FBXL22: variants seen among roughly 807,000 people sequenced by gnomAD.
FBXL22 encodes F-box and leucine-rich protein 22.
Under a neutral mutation model 11.7 loss-of-function variants are expected in FBXL22, and 13 were observed. The ratio of observed to expected loss-of-function variants is 1.11; its 90% CI spans 0.73 to 1.77. FBXL22 has a LOEUF of 1.77. FBXL22 is among the 40% of genes most tolerant of loss of function. The pLI is 0.00. For synonymous variants in FBXL22, 160 were observed against 144.1 expected, an observed-to-expected ratio of 1.11 and a Z score of -0.79; for missense variants, 406 against 320.4, an observed-to-expected ratio of 1.27 and a Z score of -2.04.
intron 1 of FBXL22, chr15:63,599,394 G>A: frequency 7.2e-7 from 1 of 1,383,968 alleles, no homozygotes; most frequent in Non-Finnish European, 9.3e-7. Flanking sequence ...CCACCTTGAA[G>A]GTAACAATTC....
At chr15:63,601,292 C>G (rs755383918), downstream of FBXL22, 3 of 1,574,942 alleles carry the variant, frequency 1.9e-6, no homozygotes, top group East Asian at 2.3e-5. Flanking sequence ...TGCTTCCGCC[C>G]CAGGCTTTCT....
downstream of FBXL22, chr15:63,601,831 A>G (rs1371356925): frequency 6.1e-6 from 7 of 1,148,336 alleles, 1 homozygote; most frequent in African/African-American, 4.8e-5. Flanking sequence ...CAAAAACAAA[A>G]CCAGCAGCCC....
intron 1 of FBXL22, chr15:63,599,702 C>G: frequency 1.0e-6 from 1 of 987,216 alleles, no homozygotes; most frequent in Middle Eastern, 5.2e-4. Flanking sequence ...GCGGGGGAGG[C>G]TGGCAGGGAA....
In FBXL22 at chr15:63,600,827, C is replaced by T; in HGVS notation, c.484C>T (p.Arg162Cys). 2 of 1,230,712 alleles carry T rather than the reference C, an allele frequency of 1.6e-6. No homozygotes were observed. Among genetic ancestry groups the T allele is most frequent in the South Asian group, 4.1e-5 (1 of 24,302 alleles). 76.2% of individuals were successfully genotyped at this position (1,230,712 alleles called of 1,614,324 possible). The change falls in exon 2 of 2, where the codon CGC becomes TGC. Residue 162 changes from arginine (R) to cysteine (C), a missense_variant. Arg to Cys is a radical substitution (Grantham distance 180). Transcript: ENST00000638704. ...GGAGAACTGCGCGCGCGTCACCAAC[C>T]GCACGTTGGCTGCCGTGGCGGCGGA... The part of the protein sequence containing the change: ...RLENCARVTN[R>C]TLAAVAADGR...
Position 63,600,696 on chromosome 15 carries a change from G to A in FBXL22, c.354-1G>A. ...CCCGGGTCACCGCACTCTCCTCACA[G>A]GTGCCCCAACCTGGCGTCCGTCACG... On this transcript the variant is annotated splice_acceptor_variant, in intron 1 of 1. Coordinates refer to ENST00000638704, the MANE Select transcript of FBXL22 (RefSeq NM_001367807.1). LOFTEE classifies it high-confidence loss of function. The A allele has an allele frequency of 8.1e-7, 1 of 1,231,452 alleles. No individual in the cohort carries two copies. Among genetic ancestry groups the A allele is most frequent in the Non-Finnish European group, 1.0e-6 (1 of 987,788 alleles). 76.3% of individuals were successfully genotyped at this position (1,231,452 alleles called of 1,614,324 possible).
At position 63,600,734 on chromosome 15, in the gene FBXL22, G is replaced by T. The variant is rs1425407045; in HGVS notation, c.391G>T (p.Gly131Cys). The T allele has an allele frequency of 1.9e-5, 23 of 1,231,368 alleles. No homozygotes were observed. Among genetic ancestry groups the T allele is most frequent in the Non-Finnish European group, 2.3e-5 (23 of 987,800 alleles). 76.3% of individuals were successfully genotyped at this position (1,231,368 alleles called of 1,614,324 possible). Residue 131 changes from glycine (G) to cysteine (C), a missense_variant, in exon 2 of 2, where the codon GGC (glycine) becomes TGC (cysteine). Transcript: ENST00000638704. ...GGCGTCCGTCACGCTCTCGGGCTGC[G>T]GCCACGTTACCGACGACTGCCTGGC... The part of the protein sequence containing the change: ...NLASVTLSGC[G>C]HVTDDCLARL...
In FBXL22 at chr15:63,597,738, T is replaced by C. The variant is rs148453374; in HGVS notation, c.346T>C (p.Cys116Arg). Residue 116 changes from cysteine to arginine, a missense_variant, in exon 1 of 2, where the codon TGC becomes CGC. Cys to Arg is a radical substitution (Grantham distance 180, BLOSUM62 -3). Coordinates refer to ENST00000638704, the MANE Select transcript of FBXL22 (RefSeq NM_001367807.1). The surrounding 1 kb of genome is among the most constrained non-coding windows in gnomAD (Gnocchi z 4.3). ...SLVNDFLLRV[C>R]DRCPNLASVT... ...GGTCAATGATTTCCTCCTCCGGGTG[T>C]GCGACAGGTAGGCCACCTTGCCTCC... is the stretch of plus-strand genomic sequence containing the variant. 3.2e-6 allele frequency: 5 copies of C among 1,575,674 alleles called. 1 individual carries two copies. The South Asian group carries it at 5.7e-5, about 18-fold the overall frequency.
downstream of FBXL22, chr15:63,601,429 G>A (rs768185676): frequency 8.8e-6 from 14 of 1,587,388 alleles, no homozygotes; most frequent in Admixed American, 2.4e-4. Context: ...GCGCTCGGGG[G>A]TGACGGGGGC....
downstream of FBXL22, among the ~76,000 whole-genome samples, chr15:63,603,598 T>C (rs1382387731): frequency 2.0e-5 from 3 of 152,212 alleles, no homozygotes; most frequent in African/African-American, 4.8e-5. Context: ...GCACAGATGA[T>C]AGGTGAAGTC....
chr15:63,597,554 C>G lies in FBXL22; in HGVS notation c.162C>G (p.Phe54Leu), dbSNP rs146033644. 7 of 1,614,218 alleles carry G rather than the reference C, an allele frequency of 4.3e-6. No homozygotes were observed. Among genetic ancestry groups the G allele is most frequent in the Non-Finnish European group, 5.9e-6 (7 of 1,180,046 alleles). The change falls in exon 1 of 2, where the codon TTC (phenylalanine) becomes TTG (leucine). Residue 54 changes from phenylalanine to leucine, a missense_variant. Phe to Leu is a conservative substitution (Grantham distance 22). Transcript: ENST00000638704. The surrounding 1 kb of genome is among the most constrained non-coding windows in gnomAD (Gnocchi z 4.3). ...EDPALWSLLHFRSLTELQKDN... is the reference protein window; with the variant it reads ...EDPALWSLLHLRSLTELQKDN... The stretch of plus-strand genomic sequence containing the variant: ...CCGCACTCTGGTCCCTGCTGCACTT[C>G]CGTTCCCTCACTGAACTCCAGAAGG...
the FBXL22 span, among the ~76,000 whole-genome samples, chr15:63,608,107 G>A: frequency 2.1e-4 from 32 of 152,228 alleles, no homozygotes; most frequent in Non-Finnish European, 4.0e-4. Context: ...GTGCCTGCTA[G>A]CAGTTGCTGG....
downstream of FBXL22, among the ~76,000 whole-genome samples, chr15:63,602,881 A>C (rs1415638428): frequency 6.6e-6 from 1 of 152,178 alleles, no homozygotes; most frequent in Non-Finnish European, 1.5e-5. Context: ...GCTGAGTAGC[A>C]GGTATCTGAG....
In FBXL22 at chr15:63,601,016, C is replaced by A; in HGVS notation, c.673C>A (p.Leu225Ile). 1 of 1,207,030 alleles carries A rather than the reference C, an allele frequency of 8.3e-7. No individual in the cohort carries two copies. The highest frequency in any genetic ancestry group is 1.0e-6 in the Non-Finnish European group (1 of 972,394). 74.8% of individuals were successfully genotyped at this position (1,207,030 alleles called of 1,614,324 possible). ...PPRPRAPAAA[L>I]GKLLQR ...GCGCCCGCGCGCGCCCGCCGCGGCC[C>A]TCGGCAAGCTGCTGCAGCGCTAGAC... The change falls in exon 2 of 2, where the codon CTC (leucine) becomes ATC (isoleucine). Residue 225 changes from leucine to isoleucine, a missense_variant. By Grantham distance (5) the Leu-to-Ile change is conservative. Coordinates refer to ENST00000638704, the MANE Select transcript of FBXL22 (RefSeq NM_001367807.1).
In FBXL22 at chr15:63,597,437, G is replaced by A. The variant is rs762423034; in HGVS notation, c.45G>A (p.Glu15=). 1.2e-6 allele frequency: 2 copies of A among 1,613,782 alleles called. No individual in the cohort carries two copies. The highest frequency in any genetic ancestry group is 1.7e-6 in the Non-Finnish European group (2 of 1,179,944). The part of the protein sequence containing the change: ...LTMHITQLNR[E]CLLHLFSFLD... ...TGCACATAACCCAGCTCAACCGGGA[G>A]TGCCTGCTGCACCTCTTCTCCTTCC... The change falls in exon 1 of 2, where the codon GAG becomes GAA. Residue 15 remains glutamate, a synonymous_variant. Transcript: ENST00000638704. This position sits in a 1 kb window ranked among gnomAD's most constrained non-coding sequence, Gnocchi z 4.3.
chr15:63,600,930 C>T lies in FBXL22; in HGVS notation c.587C>T (p.Ala196Val), dbSNP rs1354162666. 5.0e-6 allele frequency: 6 copies of T among 1,207,150 alleles called. No homozygotes were observed. Among genetic ancestry groups the T allele is most frequent in the Non-Finnish European group, 6.2e-6 (6 of 972,254 alleles). The allele number at this position is 1,207,150 out of a possible 1,614,324, so 74.8% of individuals were successfully genotyped here. The part of the protein sequence containing the change: ...SAAGLRRLRA[A>V]CPRLALRAEH... ...GCCGGCCTGCGCCGCCTGCGCGCCG[C>T]GTGCCCGCGCCTGGCCCTGCGGGCA... Residue 196 changes from alanine to valine, a missense_variant, in exon 2 of 2, where the codon GCG becomes GTG. By Grantham distance (64) the Ala-to-Val change is moderately conservative. Coordinates refer to ENST00000638704, the MANE Select transcript of FBXL22 (RefSeq NM_001367807.1).
In FBXL22 at chr15:63,597,391, A is replaced by C. The variant is rs1466365638; in HGVS notation, c.-2A>C. On this transcript the variant is annotated 5_prime_UTR_variant, in exon 1 of 2. Transcript: ENST00000638704. The surrounding 1 kb of genome is among the most constrained non-coding windows in gnomAD (Gnocchi z 4.3). ...CCGTCCCCCGGCTGCAGCTGCACTC[A>C]CATGTGGCCACTGCTCACCATGCAC... 3.8e-6 allele frequency: 6 copies of C among 1,599,364 alleles called. No homozygotes were observed. Among genetic ancestry groups the C allele is most frequent in the Admixed American group, 1.7e-5 (1 of 59,826 alleles).
At chr15:63,605,647 T>C (rs1383712646), downstream of FBXL22, among the ~76,000 whole-genome samples, 1 of 152,222 alleles carries the variant, frequency 6.6e-6, no homozygotes, top group East Asian at 1.9e-4. Context: ...GAAGCCTGAT[T>C]GTATTCCCGA....
chr15:63,604,165 C>G (rs2152689303), downstream of FBXL22, among the ~76,000 whole-genome samples: 2 of 152,236 alleles, frequency 1.3e-5, no homozygotes, highest in South Asian at 4.1e-4. Context: ...AGCTCTGTGA[C>G]CAAGGACAGA....
chr15:63,600,307 G>A, intron 1 of FBXL22: 1 of 1,014,406 alleles, frequency 9.9e-7, no homozygotes, highest in Non-Finnish European at 1.2e-6. Flanking sequence ...CTAGACTGGA[G>A]CAATCGCCAA....
Sources: gnomAD v4.1 joint callset for allele counts (sites outside exome capture counted in the v4.1 genomes callset) on GRCh38, gnomAD v4.1.1 for gene constraint, Gnocchi (gnomAD v3.1) non-coding constraint, MANE v1.5 for transcripts, NCBI Gene and HGNC (gene_info 2026-07-23, HGNC 2026-07-21) for gene names.